Variants in MELTF observed in about 807,000 individuals in gnomAD.
MELTF encodes antigen p97 (melanoma associated) identified by monoclonal antibodies 133.2 and 96.5.
Under a neutral mutation model 83.7 loss-of-function variants are expected in MELTF, and 67 were observed. The ratio of observed to expected loss-of-function variants is 0.80; its 90% CI spans 0.66 to 0.98. The LOEUF is 0.98. MELTF is among the 50% of genes least tolerant of loss of function. The pLI is 0.00. For missense variants in MELTF, 1,002 were observed against 1,035.6 expected (o/e 0.97, Z 0.44); for synonymous variants, 462 against 447.6 (o/e 1.03, Z -0.41).
intron 7 of MELTF, among the ~76,000 whole-genome samples, chr3:197,016,690 A>T (rs1421265756): frequency 6.6e-6 from 1 of 152,182 alleles, no homozygotes; most frequent in Non-Finnish European, 1.5e-5. Context: ...GGCAAAACTA[A>T]CTGAGCCTGG....
chr3:197,019,849 T>TAA, intron 6 of MELTF: 10 of 1,412,002 alleles, frequency 7.1e-6, no homozygotes, highest in South Asian at 2.8e-5. Flanking sequence ...GACAATGATT[T>TAA]AAAAAAAAAA....
chr3:197,017,301 G>C lies in MELTF; in HGVS notation c.713-11C>G, dbSNP rs1404521686. On this transcript the variant is annotated splice_polypyrimidine_tract_variant and intron_variant, in intron 6 of 15. Transcript: ENST00000296350. The stretch of plus-strand genomic sequence containing the variant: ...AGGGAAGCGTCTTCCCTGGGAAGCA[G>C]GAAGCCTGGGCTGAGCCAGCTCCGA... 1.3e-6 allele frequency: 2 copies of C among 1,524,692 alleles called. No individual in the cohort carries two copies. Among genetic ancestry groups the C allele is most frequent in the Non-Finnish European group, 8.8e-7 (1 of 1,132,624 alleles). The allele number at this position is 1,524,692 out of a possible 1,614,324, so 94.4% of individuals were successfully genotyped here.
At chr3:197,021,091 A>G (rs1248148663) in intron 6 of MELTF, among the ~76,000 whole-genome samples, 1 of 152,238 alleles carries the variant, frequency 6.6e-6, no homozygotes, top group Non-Finnish European at 1.5e-5. Context: ...TTGCTTAAAA[A>G]ATCAGACCCT....
intron 14 of MELTF, among the ~76,000 whole-genome samples, chr3:197,005,889 C>A (rs1718956709): frequency 1.1e-5 from 1 of 91,716 alleles, no homozygotes; most frequent in Non-Finnish European, 2.2e-5. Context: ...TTGTTAACTC[C>A]AGAGCAGACC....
Position 197,029,602 on chromosome 3 carries a change from C to T in MELTF, c.49+52G>A, listed in dbSNP as rs1183044072. 8.1e-7 allele frequency: 1 copy of T among 1,229,342 alleles called. No homozygotes were observed. Among genetic ancestry groups the T allele is most frequent in the Non-Finnish European group, 1.0e-6 (1 of 982,902 alleles). The allele number at this position is 1,229,342 out of a possible 1,614,324, so 76.2% of individuals were successfully genotyped here. A position where few individuals can be genotyped will look rare whatever the true frequency, so the allele number is the denominator to read the frequency against. On this transcript the variant is annotated intron_variant, in intron 1 of 15. Coordinates refer to ENST00000296350, the MANE Select transcript of MELTF (RefSeq NM_005929.6). The surrounding 1 kb of genome is among the most constrained non-coding windows in gnomAD (Gnocchi z 6.5). The stretch of plus-strand genomic sequence containing the variant: ...AGCCCCGGGACCTGCTCAGCCGGGC[C>T]GCGGCGCCCCGGGACCCCCGCCCGC...
chr3:197,011,942 ACCTC>A lies in MELTF; in HGVS notation c.1234-1152_1234-1149del, dbSNP rs1719200585. Among the ~76,000 whole-genome samples the A allele has an allele frequency of 2.0e-5, 3 of 151,700 alleles. No homozygotes were observed. The South Asian group carries it at 6.3e-4, about 32-fold the overall frequency. Reference sequence around the variant, plus strand: ...AGGCTGTCACTCAGAGGGAGCTGAAACCTCCCTCCCTGCACCTCTCCCTGCTCTG... The same window carrying A: ...AGGCTGTCACTCAGAGGGAGCTGAAACCTCCCTGCACCTCTCCCTGCTCTG... On this transcript the variant is annotated intron_variant, in intron 9 of 15. Coordinates refer to ENST00000296350, the MANE Select transcript of MELTF (RefSeq NM_005929.6). This position sits in a 1 kb window ranked among gnomAD's most constrained non-coding sequence, Gnocchi z 4.2.
Position 197,017,305 on chromosome 3 carries a change from G to A in MELTF, c.713-15C>T. 6.6e-7 allele frequency: 1 copy of A among 1,517,570 alleles called. No individual in the cohort carries two copies. Among genetic ancestry groups the A allele is most frequent in the Non-Finnish European group, 8.9e-7 (1 of 1,129,212 alleles). 94.0% of individuals were successfully genotyped at this position (1,517,570 alleles called of 1,614,324 possible). A position where few individuals can be genotyped will look rare whatever the true frequency, so the allele number is the denominator to read the frequency against. On this transcript the variant is annotated splice_polypyrimidine_tract_variant and intron_variant, in intron 6 of 15. Coordinates refer to ENST00000296350, the MANE Select transcript of MELTF (RefSeq NM_005929.6). ...AAGCGTCTTCCCTGGGAAGCAGGAA[G>A]CCTGGGCTGAGCCAGCTCCGAAAGG...
rs200831859 is a variant in MELTF, at chr3:197,021,385, G to A, written c.712+19C>T. 3.7e-4 allele frequency: 591 copies of A among 1,613,266 alleles called. 2 individuals carry two copies. In the African/African-American group the frequency reaches 7.1e-3, roughly 19 times the overall value. On this transcript the variant is annotated intron_variant, in intron 6 of 15. Coordinates refer to ENST00000296350, the MANE Select transcript of MELTF (RefSeq NM_005929.6). ...CCTGACTCCCTGCTCCTCTGGGCCC[G>A]TGCCCCTCCCCCACTCACCATCCGT...
In MELTF at chr3:197,006,278, C is replaced by T. The variant is rs971410537; in HGVS notation, c.1938+271G>A. ...CAGCTGCAAGAGGATGGATGTGAGACCAAGAGGTTAGTTTGTTCTTTAAGG... is the reference window on the plus strand; with the variant it reads ...CAGCTGCAAGAGGATGGATGTGAGATCAAGAGGTTAGTTTGTTCTTTAAGG... On this transcript the variant is annotated intron_variant, in intron 14 of 15. Transcript: ENST00000296350. The surrounding 1 kb of genome is among the most constrained non-coding windows in gnomAD (Gnocchi z 5.4). 6.6e-6 allele frequency among the ~76,000 whole-genome samples: 1 copy of T among 151,944 alleles called. No homozygotes were observed. The highest frequency in any genetic ancestry group is 1.5e-5 in the Non-Finnish European group (1 of 67,986).
At chr3:197,014,387 T>TTC (rs1553847169) in intron 9 of MELTF, among the ~76,000 whole-genome samples, 9 of 140,496 alleles carry the variant, frequency 6.4e-5, no homozygotes, top group Non-Finnish European at 1.4e-4. Flanking sequence ...GGGAGAGTTT[T>TTC]TTTTTTTTTT....
At chr3:197,015,671 G>A (rs1369774231) in intron 8 of MELTF, among the ~76,000 whole-genome samples, 155 bp from the exon 9 acceptor site, 2 of 152,204 alleles carry the variant, frequency 1.3e-5, no homozygotes, top group Admixed American at 6.5e-5. Flanking sequence ...ACACAGAAAA[G>A]GGGCAACTGT....
rs1456548031 is a variant in MELTF at position 197,003,250 on chromosome 3, G to T, written c.*122C>A. The T allele has an allele frequency of 1.0e-6, 1 of 1,001,574 alleles. No individual in the cohort carries two copies. Among genetic ancestry groups the T allele is most frequent in the Non-Finnish European group, 1.2e-6 (1 of 837,154 alleles). The allele number at this position is 1,001,574 out of a possible 1,614,324, so 62.0% of individuals were successfully genotyped here. On this transcript the variant is annotated 3_prime_UTR_variant, in exon 16 of 16. Coordinates refer to ENST00000296350, the MANE Select transcript of MELTF (RefSeq NM_005929.6). This position sits in a 1 kb window ranked among gnomAD's most constrained non-coding sequence, Gnocchi z 6.2. ...GCCCGTGGGCGGCGGGGCTCCCGGG[G>T]AGGCGCCTGCTCCCGCCCACGCCGG...
intron 11 of MELTF, among the ~76,000 whole-genome samples, chr3:197,009,320 G>A (rs1171236145): frequency 6.6e-6 from 1 of 152,166 alleles, no homozygotes; most frequent in African/African-American, 2.4e-5. Context: ...GCTTGTGTCA[G>A]TGGTTAGAAA....
chr3:197,009,729 C>T lies in MELTF; in HGVS notation c.1414G>A (p.Gly472Ser). ...AAACCGGCGTGGCAGGAGCGCTTGC[C>T]CCGAAGCTCATCCAAGGTGAAGGCG... ...SHAFTLDELR[G>S]KRSCHAGFGS... Residue 472 changes from glycine (G) to serine (S), a missense_variant, in exon 11 of 16, where the codon GGC (glycine) becomes AGC (serine). By Grantham distance (56) the Gly-to-Ser change is moderately conservative (BLOSUM62 0). Transcript: ENST00000296350. 1 of 1,613,610 alleles carries T rather than the reference C, an allele frequency of 6.2e-7. No individual in the cohort carries two copies. Among genetic ancestry groups the T allele is most frequent in the Non-Finnish European group, 8.5e-7 (1 of 1,180,028 alleles).
chr3:197,013,657 C>A (rs1310899537), intron 9 of MELTF, among the ~76,000 whole-genome samples: 7 of 152,154 alleles, frequency 4.6e-5, no homozygotes, highest in Admixed American at 6.5e-5. Context: ...AATACACATG[C>A]AACGGAAACA....
At chr3:197,010,249 C>T (rs1719140159) in intron 10 of MELTF, among the ~76,000 whole-genome samples, 1 of 152,242 alleles carries the variant, frequency 6.6e-6, no homozygotes. Flanking sequence ...AGCCCCAGCC[C>T]AGGCCCCTGA....
rs1028895066 is a variant in MELTF at position 197,006,858 on chromosome 3, C to T, written c.1751-122G>A. On this transcript the variant is annotated intron_variant, in intron 13 of 15. Coordinates refer to ENST00000296350, the MANE Select transcript of MELTF (RefSeq NM_005929.6). This position sits in a 1 kb window ranked among gnomAD's most constrained non-coding sequence, Gnocchi z 5.4. ...GGGAGGTGGCAACATCTGGCCAGCT[C>T]CCCAACCCTCTCCATTCTCCACGTG... 5.5e-5 allele frequency: 48 copies of T among 866,112 alleles called. No individual in the cohort carries two copies. The highest frequency in any genetic ancestry group is 6.9e-5 in the Non-Finnish European group (42 of 610,306). 53.7% of individuals were successfully genotyped at this position (866,112 alleles called of 1,614,324 possible).
rs562433223 is a variant in MELTF, at chr3:197,029,738, T to TGGGTCC, written c.-42_-37dup. 5.6e-4 allele frequency: 688 copies of TGGGTCC among 1,223,874 alleles called. 3 individuals are homozygous for TGGGTCC. The African/African-American group carries it at 7.0e-3, about 12-fold the overall frequency. 75.8% of individuals were successfully genotyped at this position (1,223,874 alleles called of 1,614,324 possible). Reference sequence around the variant, plus strand: ...GGGCTGGCTGGGGCCGGGCTGGGGCTGGGTCCGGGTCCGAGGAGGTCCGCA... The same window carrying TGGGTCC: ...GGGCTGGCTGGGGCCGGGCTGGGGCTGGGTCCGGGTCCGGGTCCGAGGAGGTCCGCA... On this transcript the variant is annotated 5_prime_UTR_variant, in exon 1 of 16. Coordinates refer to ENST00000296350, the MANE Select transcript of MELTF (RefSeq NM_005929.6). The surrounding 1 kb of genome is among the most constrained non-coding windows in gnomAD (Gnocchi z 6.5).
At chr3:197,017,329 G>T in intron 6 of MELTF, 39 bp from the exon 7 acceptor site, 1 of 1,483,280 alleles carries the variant, frequency 6.7e-7, no homozygotes. Context: ...AGCTCCGAAA[G>T]GGGTTGGGGC....
Sources: allele counts gnomAD v4.1 joint callset (sites outside exome capture counted in the v4.1 genomes callset), GRCh38; gene constraint gnomAD v4.1.1; non-coding constraint Gnocchi (gnomAD v3.1); transcripts MANE v1.5; gene names NCBI Gene and HGNC (gene_info 2026-07-23, HGNC 2026-07-21).